DEAF1: variants seen among roughly 807,000 people sequenced by gnomAD.
The protein encoded by DEAF1 is deformed epidermal autoregulatory factor 1 homolog.
Under a neutral mutation model 58.9 loss-of-function variants are expected in DEAF1, and 53 were observed. The observed-to-expected ratio is 0.90, with a 90% CI of 0.72 to 1.13. The LOEUF is 1.13. Among genes scored for constraint, DEAF1 ranks in the 50% most tolerant of loss-of-function variants. The probability of loss-of-function intolerance (pLI) is 0.00; values close to 1 mark genes in which losing one functional copy is unlikely to be tolerated. For missense variants in DEAF1, 685 were observed against 791.4 expected, an observed-to-expected ratio of 0.87 and a Z score of 1.61; for synonymous variants, 385 against 340.4, an observed-to-expected ratio of 1.13 and a Z score of -1.44.
intron 10 of DEAF1, among the ~76,000 whole-genome samples, chr11:662,145 A>T (rs1859345561): frequency 6.6e-6 from 1 of 152,082 alleles, no homozygotes. Flanking sequence ...TGGGCGCAGT[A>T]GTGCGCACCT....
chr11:651,425 A>G, intron 11 of DEAF1: 2 of 330,028 alleles, frequency 6.1e-6, no homozygotes, highest in East Asian at 1.1e-4. Flanking sequence ...AAAAAAAAAA[A>G]AAAAATTAAA....
intron 2 of DEAF1, 92 bp downstream of exon 2, chr11:691,409 C>G: frequency 8.4e-7 from 1 of 1,192,924 alleles, no homozygotes; most frequent in Non-Finnish European, 1.2e-6. Flanking sequence ...GACGTTCACA[C>G]AGCGGGCTGA....
At chr11:687,856 C>T in intron 4 of DEAF1, 55 bp downstream of exon 4, 2 of 1,604,456 alleles carry the variant, frequency 1.2e-6, no homozygotes, top group South Asian at 2.2e-5. Context: ...CCAATTTATG[C>T]TAGGGGGGTT....
chr11:698,962 C>A, upstream of DEAF1: 2 of 1,583,160 alleles, frequency 1.3e-6, no homozygotes, highest in Non-Finnish European at 1.7e-6. Context: ...CACTCGGCCT[C>A]ACCCCACGTT....
chr11:650,904 A>G lies in DEAF1; in HGVS notation c.1593+3058T>C, dbSNP rs145736427. On this transcript the variant is annotated intron_variant, in intron 11 of 11. Coordinates refer to ENST00000382409, the MANE Select transcript of DEAF1 (RefSeq NM_021008.4). ...TGACAGAGTGAGACTCTGTCTCAAA[A>G]GTAAAAGATGCAAACATTCACCATA... Among the ~76,000 whole-genome samples, 18 of 152,268 alleles carry G rather than the reference A, an allele frequency of 1.2e-4. 2 individuals are homozygous for G. The highest frequency in any genetic ancestry group is 4.1e-4 in the African/African-American group (17 of 41,570).
intron 11 of DEAF1, among the ~76,000 whole-genome samples, chr11:650,399 A>G (rs1041759537): frequency 2.0e-5 from 3 of 148,874 alleles, no homozygotes; most frequent in Non-Finnish European, 3.0e-5. Flanking sequence ...AAAAAAAAAA[A>G]GGCAGAGACT....
intron 10 of DEAF1, among the ~76,000 whole-genome samples, chr11:665,390 CG>C (rs1161308652): frequency 6.6e-6 from 1 of 152,164 alleles, no homozygotes; most frequent in Non-Finnish European, 1.5e-5. Flanking sequence ...ATGACACGTC[CG>C]ATACACAGCT....
intron 9 of DEAF1, among the ~76,000 whole-genome samples, chr11:675,520 C>A (rs1860010787): frequency 6.6e-6 from 1 of 151,932 alleles, no homozygotes; most frequent in Non-Finnish European, 1.5e-5. Flanking sequence ...CTTAATGAGA[C>A]CCTGTCTCAA....
chr11:656,133 C>T (rs1859043191), intron 10 of DEAF1, among the ~76,000 whole-genome samples: 1 of 149,156 alleles, frequency 6.7e-6, no homozygotes, highest in African/African-American at 2.5e-5. Context: ...CGCGCCTGGC[C>T]TGTGCCTCTA....
chr11:663,055 A>G (rs1471456390), intron 10 of DEAF1, among the ~76,000 whole-genome samples: 1 of 152,234 alleles, frequency 6.6e-6, no homozygotes, highest in Non-Finnish European at 1.5e-5. Context: ...GCTCACGCCT[A>G]GAGTCCCAGC....
At position 679,729 on chromosome 11, in the gene DEAF1, G is replaced by C; in HGVS notation, c.1085C>G (p.Ser362Ter). Residue 362 changes from serine (S) to a stop codon, truncating the protein, a stop_gained, in exon 8 of 12, where the codon TCA becomes TGA. Coordinates refer to ENST00000382409, the MANE Select transcript of DEAF1 (RefSeq NM_021008.4). LOFTEE classifies it high-confidence loss of function. ...ASTVEATAVI[S>*]ESPAQGDVFA... The stretch of plus-strand genomic sequence containing the variant: ...GACGTCGCCCTGGGCCGGACTCTCT[G>C]ATATGACAGCAGTGGCCTCTACCGT... The C allele has an allele frequency of 6.2e-7, 1 of 1,613,772 alleles. No individual in the cohort carries two copies. The highest frequency in any genetic ancestry group is 8.5e-7 in the Non-Finnish European group (1 of 1,180,044).
chr11:695,302 A>C (rs1861075089), upstream of DEAF1: 2 of 444,800 alleles, frequency 4.5e-6, no homozygotes, highest in Non-Finnish European at 7.9e-6. Context: ...GCCGAGACCG[A>C]GTCCTGAACC....
chr11:675,853 G>A (rs1276530059), intron 9 of DEAF1, among the ~76,000 whole-genome samples: 2 of 151,788 alleles, frequency 1.3e-5, no homozygotes, highest in East Asian at 3.9e-4. Flanking sequence ...CTCACGCAAT[G>A]TTGGGAAGTC....
At chr11:667,084 C>T (rs1859571560) in intron 10 of DEAF1, among the ~76,000 whole-genome samples, 1 of 151,752 alleles carries the variant, frequency 6.6e-6, no homozygotes, top group Non-Finnish European at 1.5e-5. Context: ...TGTGTAGTCC[C>T]AGCTACTCAG....
intron 1 of DEAF1, among the ~76,000 whole-genome samples, chr11:701,759 C>G (rs1421223650): frequency 6.6e-6 from 1 of 152,184 alleles, no homozygotes; most frequent in Non-Finnish European, 1.5e-5. Flanking sequence ...CTCTTGGGCT[C>G]AAGCAATCTG....
At chr11:670,758 CTTTTTTCTTTTTGTTTTTGTT>C (rs1429333039) in intron 10 of DEAF1, among the ~76,000 whole-genome samples, 6 of 96,598 alleles carry the variant, frequency 6.2e-5, no homozygotes, top group African/African-American at 2.7e-4. Context: ...TTTTTAATTT[CTTTTTTCTTTTTGTTTTTGTT>C]TTTTTTTTTT....
rs544459219 is a variant in DEAF1, at chr11:644,489, G to C, written c.*61C>G. 1.5e-5 allele frequency: 20 copies of C among 1,371,166 alleles called. No individual in the cohort carries two copies. Among genetic ancestry groups the C allele is most frequent in the Non-Finnish European group, 1.9e-5 (19 of 975,326 alleles). 84.9% of individuals were successfully genotyped at this position (1,371,166 alleles called of 1,614,324 possible). ...CCCCAGAGTCCTCAGGGGGGCCTTC[G>C]ACCTGCAAAAGCCTCACAGGAGTGC... On this transcript the variant is annotated 3_prime_UTR_variant, in exon 12 of 12. Transcript: ENST00000382409. This position sits in a 1 kb window ranked among gnomAD's most constrained non-coding sequence, Gnocchi z 4.3.
chr11:649,165 C>T (rs1367886609), intron 11 of DEAF1, among the ~76,000 whole-genome samples: 7 of 152,024 alleles, frequency 4.6e-5, no homozygotes, highest in Non-Finnish European at 5.9e-5. Flanking sequence ...GCAGGAGAAT[C>T]GCTTGAACCC....
intron 10 of DEAF1, among the ~76,000 whole-genome samples, chr11:673,291 C>T (rs1044385021): frequency 6.6e-6 from 1 of 152,168 alleles, no homozygotes; most frequent in Non-Finnish European, 1.5e-5. Flanking sequence ...CTTTAAGAGG[C>T]TGAGGCGGGT....
Sources: gnomAD v4.1 joint callset for allele counts (sites outside exome capture counted in the v4.1 genomes callset) on GRCh38, gnomAD v4.1.1 for gene constraint, Gnocchi (gnomAD v3.1) non-coding constraint, MANE v1.5 for transcripts, NCBI Gene and HGNC (gene_info 2026-07-23, HGNC 2026-07-21) for gene names.